The following CTNNA2 variants were observed in gnomAD, a reference collection of about 807,000 sequenced individuals.
CTNNA2 encodes the protein catenin alpha-2.
A neutral mutation model predicts 101.0 loss-of-function variants in CTNNA2; 42 were observed. The observed-to-expected ratio is 0.42, with a 90% CI of 0.32 to 0.54. The LOEUF (loss-of-function observed/expected upper bound fraction) is 0.54. CTNNA2 is among the 20% of genes least tolerant of loss of function. The pLI, the probability that CTNNA2 is intolerant of heterozygous loss-of-function variation, is 0.14. For synonymous variants in CTNNA2, 450 were observed against 456.4 expected (o/e 0.99, Z 0.18); for missense variants, 871 against 1,223.1 (o/e 0.71, Z 4.29).
At chr2:79,892,530 A>T (rs563667649) in intron 6 of CTNNA2, among the ~76,000 whole-genome samples, 2 of 152,206 alleles carry the variant, frequency 1.3e-5, no homozygotes, top group Non-Finnish European at 2.9e-5. Context: ...ATTATTTAAA[A>T]TATAATAGAA....
chr2:79,379,303 T>A (rs1678014199), intron 4 of CTNNA2, among the ~76,000 whole-genome samples: 1 of 152,256 alleles, frequency 6.6e-6, no homozygotes, highest in Admixed American at 6.5e-5. Context: ...ACATGCGTTA[T>A]GAATGTATAA....
intron 7 of CTNNA2, among the ~76,000 whole-genome samples, chr2:80,275,639 C>A (rs556880367): frequency 6.6e-6 from 1 of 151,774 alleles, no homozygotes; most frequent in Non-Finnish European, 1.5e-5. Context: ...CTTCATTTAC[C>A]CCAGTAACAT....
At chr2:80,158,866 G>A (rs148655145) in intron 7 of CTNNA2, among the ~76,000 whole-genome samples, 1,683 of 151,522 alleles carry the variant, frequency 0.011, 35 homozygotes, top group African/African-American at 0.037. Context: ...AGCCGAGATC[G>A]TGCCACTGCA....
chr2:80,187,743 G>T (rs544021770), intron 7 of CTNNA2, among the ~76,000 whole-genome samples: 4 of 151,962 alleles, frequency 2.6e-5, no homozygotes, highest in African/African-American at 9.6e-5. Context: ...TAGTGAGAAT[G>T]ATGCTTATAG....
chr2:80,507,877 C>A lies in CTNNA2; in HGVS notation c.1291-37105C>A, dbSNP rs78592910. ...ATAGATGGCTGTCAAGGTAGGCAGA[C>A]TCAACTGGCATTGATGGGTGATTAA... On this transcript the variant is annotated intron_variant, in intron 9 of 18. Coordinates refer to ENST00000402739, the MANE Select transcript of CTNNA2 (RefSeq NM_001282597.3). 5.3e-4 allele frequency among the ~76,000 whole-genome samples: 81 copies of A among 152,188 alleles called. No individual in the cohort carries two copies. The East Asian group carries it at 0.015, about 27-fold the overall frequency.
At chr2:80,361,283 A>G (rs890963679) in intron 7 of CTNNA2, among the ~76,000 whole-genome samples, 2 of 152,144 alleles carry the variant, frequency 1.3e-5, no homozygotes, top group South Asian at 4.1e-4. Flanking sequence ...ATTTCTTAAT[A>G]GTAATACGTG....
At chr2:79,199,731 A>T in intron 2 of CTNNA2, among the ~76,000 whole-genome samples, 1 of 152,168 alleles carries the variant, frequency 6.6e-6, no homozygotes, top group East Asian at 1.9e-4. Context: ...GTCCAAGAAC[A>T]AGGTGCCAGC....
At chr2:80,128,228 A>C (rs903819054) in intron 7 of CTNNA2, among the ~76,000 whole-genome samples, 1 of 152,196 alleles carries the variant, frequency 6.6e-6, no homozygotes, top group Non-Finnish European at 1.5e-5. Context: ...CAGGCTGTGA[A>C]AACCGAAGCC....
At chr2:79,584,227 C>G (rs2103925520) in intron 1 of CTNNA2, among the ~76,000 whole-genome samples, 1 of 152,226 alleles carries the variant, frequency 6.6e-6, no homozygotes, top group African/African-American at 2.4e-5. Flanking sequence ...TAAAGGAAGA[C>G]TTTGCCTCAT....
chr2:79,923,950 A>G (rs1686850330), intron 7 of CTNNA2, among the ~76,000 whole-genome samples: 1 of 152,178 alleles, frequency 6.6e-6, no homozygotes, highest in Non-Finnish European at 1.5e-5. Context: ...TGATCCAGCA[A>G]TCCCACTTGT....
chr2:79,569,698 T>G (rs185578864), intron 1 of CTNNA2, among the ~76,000 whole-genome samples: 76 of 152,292 alleles, frequency 5.0e-4, no homozygotes, highest in African/African-American at 1.8e-3. Context: ...ATTTCCCCAT[T>G]TAATAACTCC....
chr2:80,108,299 A>T (rs559530302), intron 7 of CTNNA2, among the ~76,000 whole-genome samples: 8 of 152,200 alleles, frequency 5.3e-5, no homozygotes, highest in Non-Finnish European at 1.2e-4. Context: ...TTTGTTCCTT[A>T]TGCAGCAAGT....
chr2:79,276,920 G>A (rs116122324), intron 2 of CTNNA2, among the ~76,000 whole-genome samples: 32 of 152,106 alleles, frequency 2.1e-4, no homozygotes, highest in Non-Finnish European at 1.5e-5. Flanking sequence ...ATCTAAGCCT[G>A]CATGTTCACA....
At chr2:79,982,472 T>TACACAC (rs60316453) in intron 7 of CTNNA2, among the ~76,000 whole-genome samples, 9,895 of 139,658 alleles carry the variant, frequency 0.071, 418 homozygotes, top group East Asian at 0.17. Context: ...GACTCCTAAC[T>TACACAC]ACACACACAC....
intron 9 of CTNNA2, among the ~76,000 whole-genome samples, chr2:80,469,032 G>A (rs1020803914): frequency 6.6e-6 from 1 of 152,156 alleles, no homozygotes; most frequent in African/African-American, 2.4e-5. Context: ...GGTGTTGAAG[G>A]TGCTGAAGGT....
chr2:79,540,957 T>C (rs1673372282), intron 1 of CTNNA2, among the ~76,000 whole-genome samples: 1 of 152,148 alleles, frequency 6.6e-6, no homozygotes, highest in Non-Finnish European at 1.5e-5. Context: ...CGGATTGGTG[T>C]GATTAAATGT....
At chr2:80,119,068 C>T (rs558106514) in intron 7 of CTNNA2, among the ~76,000 whole-genome samples, 1 of 152,264 alleles carries the variant, frequency 6.6e-6, no homozygotes, top group Admixed American at 6.5e-5. Context: ...ACCAGAAGCC[C>T]GAAAGTGGGC....
intron 7 of CTNNA2, among the ~76,000 whole-genome samples, chr2:80,221,977 G>A (rs558534406): frequency 6.6e-6 from 1 of 152,274 alleles, no homozygotes; most frequent in East Asian, 1.9e-4. Context: ...CACTGCTTTT[G>A]AGAATGCTTA....
intron 3 of CTNNA2, among the ~76,000 whole-genome samples, chr2:79,746,463 A>G (rs772345643): frequency 2.0e-5 from 3 of 152,156 alleles, no homozygotes; most frequent in Non-Finnish European, 2.9e-5. Context: ...ATCAGAACAG[A>G]CACCTACTCC....
Sources: gnomAD v4.1 joint callset for allele counts (sites outside exome capture counted in the v4.1 genomes callset) on GRCh38, gnomAD v4.1.1 for gene constraint, MANE v1.5 for transcripts, NCBI Gene and HGNC (gene_info 2026-07-23, HGNC 2026-07-21) for gene names.